Variants in SLC35F3 observed in about 807,000 individuals in gnomAD.
The protein encoded by SLC35F3 is putative thiamine transporter SLC35F3.
SLC35F3 carries 25 observed loss-of-function variants against 49.9 expected under a neutral mutation model. The observed-to-expected ratio is 0.50, with a 90% CI of 0.37 to 0.70. The LOEUF (loss-of-function observed/expected upper bound fraction) is 0.70. SLC35F3 is among the 30% of genes least tolerant of loss of function. The pLI is 0.00. For synonymous variants in SLC35F3, 275 were observed against 265.4 expected (o/e 1.04, Z -0.35); for missense variants, 525 against 639.8 (o/e 0.82, Z 1.94).
Position 233,935,189 on chromosome 1 carries a change from CTTTTTTTTTTT to C in SLC35F3, c.283+29449_283+29459del, listed in dbSNP as rs35418747. Among the ~76,000 whole-genome samples the C allele has an allele frequency of 3.2e-4, 16 of 50,312 alleles. 1 individual carries two copies. The highest frequency in any genetic ancestry group is 1.6e-3 in the East Asian group (2 of 1,230). The allele number at this position is 50,312 out of a possible 152,430, so 33.0% of individuals were successfully genotyped here. A position where few individuals can be genotyped will look rare whatever the true frequency, so the allele number is the denominator to read the frequency against. Reference sequence around the variant, plus strand: ...CACAATGAGCTGGGTTTTCCTTGCCCTTTTTTTTTTTTTTTTTTTTTTTTTTTTGCATACCT... The same window carrying C: ...CACAATGAGCTGGGTTTTCCTTGCCCTTTTTTTTTTTTTTTTTGCATACCT... On this transcript the variant is annotated intron_variant, in intron 2 of 7. Coordinates refer to ENST00000366618, the MANE Select transcript of SLC35F3 (RefSeq NM_173508.4).
Position 234,320,283 on chromosome 1 carries a change from C to T in SLC35F3, c.1237+96C>T. 1 of 826,190 alleles carries T rather than the reference C, an allele frequency of 1.2e-6. No homozygotes were observed. The highest frequency in any genetic ancestry group is 1.4e-5 in the South Asian group (1 of 71,900). The allele number at this position is 826,190 out of a possible 1,614,324, so 51.2% of individuals were successfully genotyped here. A position where few individuals can be genotyped will look rare whatever the true frequency, so the allele number is the denominator to read the frequency against. On this transcript the variant is annotated intron_variant, in intron 7 of 7. Transcript: ENST00000366618. This position sits in a 1 kb window ranked among gnomAD's most constrained non-coding sequence, Gnocchi z 4.8. The stretch of plus-strand genomic sequence containing the variant: ...ACACACTCATGCATACATACACACT[C>T]ACACATACACTCACATACACACACT...
chr1:233,916,652 T>C (rs1661976910), intron 2 of SLC35F3, among the ~76,000 whole-genome samples: 1 of 152,248 alleles, frequency 6.6e-6, no homozygotes, highest in South Asian at 2.1e-4. Context: ...AACATAGTAC[T>C]GGTGTATAAG....
chr1:234,035,514 T>C (rs1417323504), intron 2 of SLC35F3, among the ~76,000 whole-genome samples: 1 of 152,196 alleles, frequency 6.6e-6, no homozygotes, highest in East Asian at 1.9e-4. Context: ...TTTTAGTAAA[T>C]CTTCTTGAAT....
At chr1:234,051,569 A>G (rs1033619623) in intron 2 of SLC35F3, among the ~76,000 whole-genome samples, 7 of 152,208 alleles carry the variant, frequency 4.6e-5, no homozygotes, top group African/African-American at 2.4e-5. Context: ...TAAATATACA[A>G]TCATGTCATC....
chr1:233,984,338 G>A (rs1315311181), intron 2 of SLC35F3, among the ~76,000 whole-genome samples: 2 of 152,234 alleles, frequency 1.3e-5, no homozygotes, highest in Admixed American at 1.3e-4. Context: ...TGCACACCGA[G>A]GTTTGCAGCA....
intron 2 of SLC35F3, among the ~76,000 whole-genome samples, chr1:234,036,485 A>G (rs1313296789): frequency 6.6e-6 from 1 of 152,204 alleles, no homozygotes; most frequent in South Asian, 2.1e-4. Flanking sequence ...GTGGCCTGAC[A>G]GCCTCCTGGG....
At chr1:233,931,965 A>G (rs1662250227) in intron 2 of SLC35F3, among the ~76,000 whole-genome samples, 1 of 152,242 alleles carries the variant, frequency 6.6e-6, no homozygotes. Context: ...ATGCAGCCAT[A>G]AAAGAGGATG....
intron 2 of SLC35F3, among the ~76,000 whole-genome samples, chr1:233,950,094 T>C (rs1662578364): frequency 6.6e-6 from 1 of 152,120 alleles, no homozygotes; most frequent in African/African-American, 2.4e-5. Flanking sequence ...TTGTATTGAT[T>C]GGTTCTCAAA....
intron 3 of SLC35F3, among the ~76,000 whole-genome samples, chr1:234,306,742 G>A (rs1026380752): frequency 6.6e-6 from 1 of 152,104 alleles, no homozygotes; most frequent in African/African-American, 2.4e-5. Context: ...TCAATACCAA[G>A]CCATATCTGT....
intron 3 of SLC35F3, among the ~76,000 whole-genome samples, chr1:234,259,384 G>T (rs572752957): frequency 3.9e-5 from 6 of 152,054 alleles, no homozygotes; most frequent in Non-Finnish European, 8.8e-5. Flanking sequence ...AAAGAAATAG[G>T]GTTTTTATTC....
chr1:234,319,438 C>T (rs1657563774), intron 6 of SLC35F3, among the ~76,000 whole-genome samples: 2 of 152,216 alleles, frequency 1.3e-5, no homozygotes, highest in African/African-American at 2.4e-5. Flanking sequence ...TACAGTGGCT[C>T]ATGCCTGTAA....
chr1:234,100,088 A>G (rs1482441544), intron 2 of SLC35F3, among the ~76,000 whole-genome samples: 4 of 152,254 alleles, frequency 2.6e-5, no homozygotes, highest in Non-Finnish European at 5.9e-5. Flanking sequence ...TTAATCAAGT[A>G]TATATAAATT....
intron 2 of SLC35F3, among the ~76,000 whole-genome samples, chr1:234,019,015 A>G (rs760009494): frequency 6.6e-6 from 1 of 152,236 alleles, no homozygotes; most frequent in South Asian, 2.1e-4. Context: ...ACCTTTGGCC[A>G]GGCACATGTC....
chr1:234,208,615 C>T (rs1405813335), intron 2 of SLC35F3, among the ~76,000 whole-genome samples: 1 of 152,154 alleles, frequency 6.6e-6, no homozygotes, highest in Non-Finnish European at 1.5e-5. Context: ...ATCTAGGACT[C>T]CTTTTTTACT....
intron 2 of SLC35F3, among the ~76,000 whole-genome samples, chr1:233,942,079 G>C (rs1662435369): frequency 1.3e-5 from 2 of 150,748 alleles, no homozygotes; most frequent in African/African-American, 4.9e-5. Flanking sequence ...TCCTGCCTCA[G>C]CCTCCCAAGT....
chr1:234,281,334 C>T (rs749071341), intron 3 of SLC35F3, among the ~76,000 whole-genome samples: 9 of 152,150 alleles, frequency 5.9e-5, no homozygotes, highest in Non-Finnish European at 1.3e-4. Context: ...ACTGCCAACA[C>T]CTTGATCTCA....
intron 2 of SLC35F3, among the ~76,000 whole-genome samples, chr1:233,990,449 A>T (rs1284041475): frequency 6.6e-6 from 1 of 151,798 alleles, no homozygotes; most frequent in Non-Finnish European, 1.5e-5. Flanking sequence ...CTTTACTTAA[A>T]TAATATTCAG....
chr1:234,113,195 G>A lies in SLC35F3; in HGVS notation c.284-118222G>A, dbSNP rs146225392. On this transcript the variant is annotated intron_variant, in intron 2 of 7. Transcript: ENST00000366618. ...GATAATTTCCACATTTGTCCTCTCC[G>A]TCCAACCACAGACTAAATTGCCATA... Among the ~76,000 whole-genome samples, 391 of 152,238 alleles carry A rather than the reference G, an allele frequency of 2.6e-3. 1 individual carries two copies. Among genetic ancestry groups the A allele is most frequent in the Non-Finnish European group, 4.4e-3 (301 of 68,014 alleles).
At chr1:233,912,337 G>A (rs1055348264) in intron 2 of SLC35F3, among the ~76,000 whole-genome samples, 2 of 152,022 alleles carry the variant, frequency 1.3e-5, no homozygotes, top group Non-Finnish European at 2.9e-5. Context: ...AATTAGACCG[G>A]CATGGTGGTG....
Sources: gnomAD v4.1 joint callset for allele counts (sites outside exome capture counted in the v4.1 genomes callset) on GRCh38, gnomAD v4.1.1 for gene constraint, Gnocchi (gnomAD v3.1) non-coding constraint, MANE v1.5 for transcripts, NCBI Gene and HGNC (gene_info 2026-07-23, HGNC 2026-07-21) for gene names.